ASIC2: variants seen among roughly 807,000 people sequenced by gnomAD.
The protein encoded by ASIC2 is acid-sensing ion channel 2.
In ASIC2, 25 loss-of-function variants were observed where a neutral mutation model predicts 57.3. That is an observed-to-expected ratio of 0.44 (90% confidence interval 0.32 to 0.61). The LOEUF (loss-of-function observed/expected upper bound fraction) is 0.61, where lower values mean the gene tolerates loss of function less well. ASIC2 is among the 20% of genes least tolerant of loss of function. ASIC2 has a pLI of 0.06. For missense variants in ASIC2, 641 were observed against 738.1 expected (o/e 0.87, Z 1.52); for synonymous variants, 319 against 307.5 (o/e 1.04, Z -0.39).
At chr17:33,917,855 T>TACAC (rs10645495) in intron 1 of ASIC2, among the ~76,000 whole-genome samples, 4,005 of 139,138 alleles carry the variant, frequency 0.029, 185 homozygotes, top group African/African-American at 0.076. Context: ...TAAAGCCCGG[T>TACAC]ACACACACAC....
intron 1 of ASIC2, among the ~76,000 whole-genome samples, chr17:34,029,861 C>A (rs988593996): frequency 1.3e-5 from 2 of 152,182 alleles, no homozygotes; most frequent in African/African-American, 4.8e-5. Context: ...GCAGCCTGAG[C>A]AGACTGAGAC....
intron 1 of ASIC2, among the ~76,000 whole-genome samples, chr17:33,289,315 A>T (rs946104469): frequency 6.6e-6 from 1 of 152,176 alleles, no homozygotes; most frequent in African/African-American, 2.4e-5. Flanking sequence ...TCAACTCCCT[A>T]ACAATTGACC....
intron 1 of ASIC2, among the ~76,000 whole-genome samples, chr17:33,913,311 T>C (rs1429670461): frequency 6.6e-6 from 1 of 152,168 alleles, no homozygotes; most frequent in Non-Finnish European, 1.5e-5. Flanking sequence ...AATGCAACTG[T>C]AAACATTTTT....
chr17:33,739,685 T>A (rs186191900), intron 1 of ASIC2, among the ~76,000 whole-genome samples: 4 of 151,870 alleles, frequency 2.6e-5, no homozygotes, highest in African/African-American at 9.7e-5. Flanking sequence ...TTGAAGGGGC[T>A]ACCAAAATCA....
chr17:33,390,051 G>T (rs187514545), intron 1 of ASIC2, among the ~76,000 whole-genome samples: 63 of 151,994 alleles, frequency 4.1e-4, no homozygotes, highest in Admixed American at 3.9e-4. Flanking sequence ...GGTGGTTCAC[G>T]TCTGTAATTC....
intron 1 of ASIC2, among the ~76,000 whole-genome samples, chr17:33,678,368 T>C (rs1040951693): frequency 1.2e-4 from 18 of 151,810 alleles, no homozygotes; most frequent in Non-Finnish European, 1.5e-4. Flanking sequence ...TTTATATCTG[T>C]TCTCTGTGGG....
intron 1 of ASIC2, among the ~76,000 whole-genome samples, chr17:33,939,593 C>T (rs573928922): frequency 0.039 from 5,876 of 152,220 alleles, 382 homozygotes; most frequent in African/African-American, 0.13. Flanking sequence ...TCTTCCAAAT[C>T]CTGGAGACAA....
chr17:34,023,709 C>A (rs1449093383), intron 1 of ASIC2, among the ~76,000 whole-genome samples: 1 of 152,182 alleles, frequency 6.6e-6, no homozygotes, highest in Non-Finnish European at 1.5e-5. Flanking sequence ...CCTCCCCAGG[C>A]AACTGAGTCT....
chr17:33,888,668 C>A (rs952275921), intron 1 of ASIC2, among the ~76,000 whole-genome samples: 1 of 152,060 alleles, frequency 6.6e-6, no homozygotes, highest in African/African-American at 2.4e-5. Flanking sequence ...TGCCCACCAG[C>A]CTCTTAGTCA....
At chr17:34,114,909 G>A (rs1427567292) in intron 1 of ASIC2, among the ~76,000 whole-genome samples, 1 of 152,166 alleles carries the variant, frequency 6.6e-6, no homozygotes, top group African/African-American at 2.4e-5. Flanking sequence ...ATTCTGTCCA[G>A]CTCTGACTGT....
chr17:33,301,899 C>T (rs1844788901), intron 1 of ASIC2, among the ~76,000 whole-genome samples: 2 of 152,228 alleles, frequency 1.3e-5, no homozygotes, highest in African/African-American at 4.8e-5. Flanking sequence ...ACGAGGCTCA[C>T]CTGGGAGCCA....
chr17:34,022,859 T>C (rs1907230679), intron 1 of ASIC2, among the ~76,000 whole-genome samples: 1 of 152,158 alleles, frequency 6.6e-6, no homozygotes, highest in African/African-American at 2.4e-5. Context: ...CAAATTGTAA[T>C]CCCCAGTGTT....
At chr17:33,745,217 A>C (rs1263075211) in intron 1 of ASIC2, among the ~76,000 whole-genome samples, 4 of 152,154 alleles carry the variant, frequency 2.6e-5, no homozygotes, top group Non-Finnish European at 5.9e-5. Flanking sequence ...GAAGACCCAG[A>C]GGAGAGCTGA....
chr17:33,358,647 T>C lies in ASIC2; in HGVS notation c.556-246580A>G, dbSNP rs534067802. Among the ~76,000 whole-genome samples the C allele has an allele frequency of 2.0e-5, 3 of 152,276 alleles. No homozygotes were observed. The East Asian group carries it at 5.8e-4, about 29-fold the overall frequency. ...ATAAGAGACTAAACAATCACTAATC[T>C]CTAATTACTGTATAAGAATGTCACA... is the stretch of plus-strand genomic sequence containing the variant. On this transcript the variant is annotated intron_variant, in intron 1 of 9. Coordinates refer to the ASIC2 transcript ENST00000359872.
intron 1 of ASIC2, among the ~76,000 whole-genome samples, chr17:33,456,327 A>C (rs1001657196): frequency 6.6e-6 from 1 of 151,584 alleles, no homozygotes; most frequent in African/African-American, 2.4e-5. Flanking sequence ...ACCAGCCCCC[A>C]ATATCTCTTA....
chr17:33,720,176 G>A (rs918824858), intron 1 of ASIC2, among the ~76,000 whole-genome samples: 1 of 152,168 alleles, frequency 6.6e-6, no homozygotes, highest in Non-Finnish European at 1.5e-5. Context: ...CACCAAGCCT[G>A]CCAAGGGAGA....
intron 1 of ASIC2, among the ~76,000 whole-genome samples, chr17:33,338,149 G>C (rs544705740): frequency 2.0e-5 from 3 of 150,614 alleles, no homozygotes; most frequent in African/African-American, 7.3e-5. Context: ...TGTTCCTTCT[G>C]AGATGTTCTG....
intron 2 of ASIC2, among the ~76,000 whole-genome samples, chr17:33,090,513 A>G (rs1378397484): frequency 6.6e-6 from 1 of 152,228 alleles, no homozygotes; most frequent in East Asian, 1.9e-4. Context: ...CTGGAGGCCA[A>G]ATCAAGGAAT....
At chr17:33,838,308 G>A (rs1232713595) in intron 1 of ASIC2, among the ~76,000 whole-genome samples, 1 of 152,086 alleles carries the variant, frequency 6.6e-6, no homozygotes, top group Non-Finnish European at 1.5e-5. Flanking sequence ...AAACAGAGTG[G>A]GCAGCCATTA....
Sources: allele counts gnomAD v4.1 joint callset (sites outside exome capture counted in the v4.1 genomes callset), GRCh38; gene constraint gnomAD v4.1.1; transcripts MANE v1.5; gene names NCBI Gene and HGNC (gene_info 2026-07-23, HGNC 2026-07-21).